The following LHX4 variants were observed in gnomAD, a reference collection of about 807,000 sequenced individuals.
LHX4 encodes LIM homeobox 4.
Under a neutral mutation model 39.2 loss-of-function variants are expected in LHX4, and 16 were observed. The ratio of observed to expected loss-of-function variants is 0.41; its 90% CI spans 0.28 to 0.62. The LOEUF is 0.62. Ranked by LOEUF, LHX4 falls within the 20% of genes least tolerant of loss-of-function variation. The pLI, the probability that LHX4 is intolerant of heterozygous loss-of-function variation, is 0.33. For synonymous variants in LHX4, 206 were observed against 198.1 expected (o/e 1.04, Z -0.33); for missense variants, 439 against 511.9 (o/e 0.86, Z 1.37).
chr1:180,274,641 A>G lies in LHX4; in HGVS notation c.*62A>G. ...TGAGAGAATATCTTCAAGGATCAAA[A>G]GAGACTTGCCTTTTAAGGATCGAAA... On this transcript the variant is annotated 3_prime_UTR_variant, in exon 6 of 6. Coordinates refer to ENST00000263726, the MANE Select transcript of LHX4 (RefSeq NM_033343.4). 1 of 1,483,444 alleles carries G rather than the reference A, an allele frequency of 6.7e-7. No individual in the cohort carries two copies. Among genetic ancestry groups the G allele is most frequent in the African/African-American group, 1.4e-5 (1 of 71,430 alleles). 91.9% of individuals were successfully genotyped at this position (1,483,444 alleles called of 1,614,324 possible).
intron 2 of LHX4, among the ~76,000 whole-genome samples, chr1:180,250,153 C>T (rs1647560964): frequency 6.6e-6 from 1 of 152,112 alleles, no homozygotes; most frequent in Non-Finnish European, 1.5e-5. Flanking sequence ...CCACCTCTGA[C>T]CCTCCTCTAG....
chr1:180,244,824 G>C (rs1373769512), intron 1 of LHX4, among the ~76,000 whole-genome samples: 1 of 152,166 alleles, frequency 6.6e-6, no homozygotes, highest in Non-Finnish European at 1.5e-5. Context: ...TGCCCCCCTG[G>C]GAGTCCAGCT....
At chr1:180,273,700 G>A (rs1648831129) in intron 5 of LHX4, 1 of 168,350 alleles carries the variant, frequency 5.9e-6, no homozygotes, top group East Asian at 1.7e-4. Context: ...AGACCAGAAG[G>A]ATTTTGTACA....
In LHX4 at chr1:180,230,664, C is replaced by G. The variant is rs1664155539; in HGVS notation, c.76+59C>G. On this transcript the variant is annotated intron_variant, in intron 1 of 5. Transcript: ENST00000263726. This position sits in a 1 kb window ranked among gnomAD's most constrained non-coding sequence, Gnocchi z 5.8. ...TAACAAGACAGCTAGCAGCCTCAGC[C>G]GCTGCGGGGCGGGCCGGACGCCGCT... The G allele has an allele frequency of 6.6e-7, 1 of 1,511,906 alleles. No homozygotes were observed. Among genetic ancestry groups the G allele is most frequent in the Admixed American group, 1.7e-5 (1 of 58,522 alleles). The allele number at this position is 1,511,906 out of a possible 1,614,324, so 93.7% of individuals were successfully genotyped here. A position where few individuals can be genotyped will look rare whatever the true frequency, so the allele number is the denominator to read the frequency against.
upstream of LHX4, chr1:180,230,234 G>A (rs1419374649): frequency 4.2e-6 from 2 of 472,050 alleles, no homozygotes; most frequent in Admixed American, 3.6e-5. This position sits in a 1 kb window ranked among gnomAD's most constrained non-coding sequence, Gnocchi z 5.8. Context: ...GGGGGAAGGA[G>A]CGGGCGGGGG....
intron 2 of LHX4, 67 bp downstream of exon 2, chr1:180,248,523 A>C: frequency 1.3e-6 from 2 of 1,565,578 alleles, no homozygotes; most frequent in Non-Finnish European, 1.8e-6. Context: ...GTGAGGGGGA[A>C]GTTTGCAGCA....
At chr1:180,259,558 G>A (rs933349523) in intron 2 of LHX4, among the ~76,000 whole-genome samples, 1 of 151,818 alleles carries the variant, frequency 6.6e-6, no homozygotes, top group African/African-American at 2.4e-5. Flanking sequence ...GAAATGGGAG[G>A]GCGCCAGCAG....
At chr1:180,240,914 G>A (rs1459420597) in intron 1 of LHX4, among the ~76,000 whole-genome samples, 2 of 152,222 alleles carry the variant, frequency 1.3e-5, no homozygotes. Flanking sequence ...ATCACGTTGT[G>A]AGTTTTAAAA....
chr1:180,273,953 C>T, intron 5 of LHX4: 1 of 572,122 alleles, frequency 1.7e-6, no homozygotes, highest in Non-Finnish European at 3.1e-6. Context: ...TTTGTCCATC[C>T]TTCTGGGACC....
chr1:180,271,629 C>CTCAG, intron 4 of LHX4, 95 bp downstream of exon 4: 1 of 1,504,692 alleles, frequency 6.6e-7, no homozygotes, highest in South Asian at 1.1e-5. Context: ...GGTGGTTGGG[C>CTCAG]TCAGGGCTTG....
chr1:180,248,258 A>G, intron 1 of LHX4, 27 bp from the exon 2 acceptor site: 1 of 1,612,226 alleles, frequency 6.2e-7, no homozygotes, highest in Non-Finnish European at 8.5e-7. Context: ...GAAGGCTCAC[A>G]GTGCCTCTCT....
chr1:180,229,964 A>C (rs941872336), upstream of LHX4, among the ~76,000 whole-genome samples: 8,616 of 73,100 alleles, frequency 0.12, 1,462 homozygotes, highest in African/African-American at 0.22. Context: ...GGAGGCGGGG[A>C]GGGGGGGGGG....
At position 180,230,614 on chromosome 1, in the gene LHX4, C is replaced by A. The variant is rs761497347; in HGVS notation, c.76+9C>A. The A allele has an allele frequency of 8.1e-6, 13 of 1,609,350 alleles. No homozygotes were observed. In the African/African-American group the frequency reaches 1.3e-4, roughly 17 times the overall value. On this transcript the variant is annotated intron_variant, in intron 1 of 5. Transcript: ENST00000263726. This position sits in a 1 kb window ranked among gnomAD's most constrained non-coding sequence, Gnocchi z 5.8. Reference sequence around the variant, plus strand: ...AGGTGTGCCGATGCAACGTAAGACACCCCCCTTTCTCGCTGATTTAATTCT... The same window carrying A: ...AGGTGTGCCGATGCAACGTAAGACAACCCCCTTTCTCGCTGATTTAATTCT...
intron 1 of LHX4, among the ~76,000 whole-genome samples, chr1:180,231,152 C>A (rs917028312): frequency 1.3e-5 from 2 of 151,106 alleles, no homozygotes; most frequent in African/African-American, 2.4e-5. Flanking sequence ...CCCGCGGCGC[C>A]CGCCGCGTGC....
intron 2 of LHX4, among the ~76,000 whole-genome samples, chr1:180,260,839 T>C (rs893779362): frequency 6.6e-6 from 1 of 151,822 alleles, no homozygotes; most frequent in African/African-American, 2.4e-5. Context: ...GCCCGCCGCA[T>C]GTCCGCTGTG....
rs1190781997 is a variant in LHX4 at position 180,278,058 on chromosome 1, T to A, written c.*3479T>A. 6.6e-6 allele frequency: 1 copy of A among 152,212 alleles called. No individual in the cohort carries two copies. Among genetic ancestry groups the A allele is most frequent in the Non-Finnish European group, 1.5e-5 (1 of 68,046 alleles). The allele number at this position is 152,212 out of a possible 1,614,324, so 9.4% of individuals were successfully genotyped here. On this transcript the variant is annotated 3_prime_UTR_variant, in exon 6 of 6. Coordinates refer to ENST00000263726, the MANE Select transcript of LHX4 (RefSeq NM_033343.4). ...ACAGGAGGGGGCTCAAGGCTTCTGA[T>A]GAGCAAAGGCTGTGTGTTGTATGAC...
chr1:180,237,359 G>T (rs1664348963), intron 1 of LHX4, among the ~76,000 whole-genome samples: 1 of 152,120 alleles, frequency 6.6e-6, no homozygotes, highest in African/African-American at 2.4e-5. Flanking sequence ...TATTGTCTGT[G>T]GTAGGAAGAA....
chr1:180,235,145 A>G (rs942091860), intron 1 of LHX4, among the ~76,000 whole-genome samples: 3 of 152,234 alleles, frequency 2.0e-5, no homozygotes, highest in African/African-American at 7.2e-5. Flanking sequence ...CGTAGCCCAG[A>G]AGGGGACAAG....
chr1:180,244,091 C>T (rs900870657), intron 1 of LHX4, among the ~76,000 whole-genome samples: 2 of 152,138 alleles, frequency 1.3e-5, no homozygotes, highest in East Asian at 1.9e-4. Flanking sequence ...ATTCCTTCCT[C>T]GTTGAGAGTG....
Sources: gnomAD v4.1 joint callset for allele counts (sites outside exome capture counted in the v4.1 genomes callset) on GRCh38, gnomAD v4.1.1 for gene constraint, Gnocchi (gnomAD v3.1) non-coding constraint, MANE v1.5 for transcripts, NCBI Gene and HGNC (gene_info 2026-07-23, HGNC 2026-07-21) for gene names.